Variants in PATJ observed in about 807,000 individuals in gnomAD.
PATJ encodes inaD-like protein.
PATJ carries 190 observed loss-of-function variants against 224.9 expected under a neutral mutation model. The observed-to-expected ratio is 0.84, with a 90% CI of 0.75 to 0.95. PATJ has a LOEUF of 0.95. PATJ is among the 40% of genes least tolerant of loss of function. The pLI, the probability that PATJ is intolerant of heterozygous loss-of-function variation, is 0.00. For synonymous variants in PATJ, 769 were observed against 820.3 expected (o/e 0.94, Z 1.07); for missense variants, 2,121 against 2,270.3 (o/e 0.93, Z 1.34).
chr1:61,908,219 A>G (rs1464836550), intron 24 of PATJ, among the ~76,000 whole-genome samples, 153 bp from the exon 25 acceptor site: 1 of 152,202 alleles, frequency 6.6e-6, no homozygotes, highest in Non-Finnish European at 1.5e-5. Context: ...TAAAATTGCC[A>G]AGCTTTTTAT....
chr1:61,953,394 C>G (rs1303492530), intron 27 of PATJ, among the ~76,000 whole-genome samples: 2 of 152,220 alleles, frequency 1.3e-5, no homozygotes, highest in Non-Finnish European at 2.9e-5. Context: ...CTGATTTAAG[C>G]TAGCCAACCT....
rs979739353 is a variant in PATJ, at chr1:62,131,610, T to C, written c.5271+2665T>C. On this transcript the variant is annotated intron_variant, in intron 41 of 43. Coordinates refer to ENST00000642238, the MANE Select transcript of PATJ (RefSeq NM_001350145.3). Reference sequence around the variant, plus strand: ...TTGCAATGAGCCAAGATCACCCCATTGCACCCCAGCATGGGCTACAAGAGT... The same window carrying C: ...TTGCAATGAGCCAAGATCACCCCATCGCACCCCAGCATGGGCTACAAGAGT... Among the ~76,000 whole-genome samples, 3 of 151,458 alleles carry C rather than the reference T, an allele frequency of 2.0e-5. No individual in the cohort carries two copies. The South Asian group carries it at 6.3e-4, about 32-fold the overall frequency.
Position 62,044,501 on chromosome 1 carries a change from C to T in PATJ, c.4032+6452C>T, listed in dbSNP as rs1184090486. On this transcript the variant is annotated intron_variant, in intron 30 of 43. Coordinates refer to ENST00000642238, the MANE Select transcript of PATJ (RefSeq NM_001350145.3). ...AACCCAATTAAGAAGCCATTGCTGT[C>T]GTCTAGTAAGAGGTACTGAGGGCTC... 4.6e-5 allele frequency among the ~76,000 whole-genome samples: 7 copies of T among 152,308 alleles called. No homozygotes were observed. In the East Asian group the frequency reaches 1.3e-3, roughly 29 times the overall value.
At chr1:62,017,668 G>T (rs1436058220) in intron 28 of PATJ, among the ~76,000 whole-genome samples, 188 bp from the exon 29 acceptor site, 6 of 149,204 alleles carry the variant, frequency 4.0e-5, no homozygotes, top group Admixed American at 1.4e-4. Context: ...GAAGGCGGAG[G>T]TTGCAGTGAG....
At chr1:61,785,161 C>G (rs1360587220) in intron 7 of PATJ, among the ~76,000 whole-genome samples, 1 of 152,124 alleles carries the variant, frequency 6.6e-6, no homozygotes, top group East Asian at 1.9e-4. Context: ...GTGGTGCCAC[C>G]TGGAACTAGG....
At chr1:61,830,099 AAAT>A (rs1659039245) in intron 16 of PATJ, among the ~76,000 whole-genome samples, 2 of 152,206 alleles carry the variant, frequency 1.3e-5, no homozygotes, top group South Asian at 4.1e-4. Flanking sequence ...CTAATTTAAA[AAAT>A]GTTTTTCTAC....
intron 28 of PATJ, among the ~76,000 whole-genome samples, chr1:62,000,590 C>T (rs180821575): frequency 7.9e-5 from 12 of 151,016 alleles, no homozygotes; most frequent in African/African-American, 2.5e-4. Context: ...CTTAATCCAG[C>T]CTATCATTGT....
chr1:62,159,589 C>T (rs1162326985), intron 43 of PATJ, among the ~76,000 whole-genome samples: 2 of 146,900 alleles, frequency 1.4e-5, no homozygotes, highest in Non-Finnish European at 3.0e-5. Context: ...AGACAGAGCT[C>T]ACTCTGTCAC....
chr1:62,143,719 G>T (rs1184023954), intron 41 of PATJ, among the ~76,000 whole-genome samples: 1 of 152,068 alleles, frequency 6.6e-6, no homozygotes, highest in East Asian at 1.9e-4. Context: ...CAAAGTGCTG[G>T]GATTACAGGC....
At chr1:62,002,708 TCAAAAAAAA>T (rs1645852433) in intron 28 of PATJ, among the ~76,000 whole-genome samples, 2 of 54,652 alleles carry the variant, frequency 3.7e-5, no homozygotes, top group African/African-American at 1.1e-4. Flanking sequence ...AAACTCTGTC[TCAAAAAAAA>T]AAAAAAAAAA....
chr1:61,908,509 A>C (rs1672166354), intron 25 of PATJ, 27 bp downstream of exon 25: 1 of 1,455,938 alleles, frequency 6.9e-7, no homozygotes, highest in Middle Eastern at 1.7e-4. Context: ...ATTTTCAAAA[A>C]GTTTAACAAC....
chr1:62,066,053 A>T (rs539590422), intron 31 of PATJ, among the ~76,000 whole-genome samples: 56 of 152,314 alleles, frequency 3.7e-4, no homozygotes, highest in South Asian at 1.5e-3. Context: ...GAAACTAAGC[A>T]AGTTTGTATT....
At chr1:61,857,551 T>C (rs1403135928) in intron 18 of PATJ, among the ~76,000 whole-genome samples, 1 of 152,224 alleles carries the variant, frequency 6.6e-6, no homozygotes, top group African/African-American at 2.4e-5. Flanking sequence ...ACAGATAGCT[T>C]GGTTGTAATA....
intron 42 of PATJ, among the ~76,000 whole-genome samples, chr1:62,151,732 T>G (rs1453867124): frequency 6.6e-6 from 1 of 152,252 alleles, no homozygotes; most frequent in Non-Finnish European, 1.5e-5. Flanking sequence ...TGAGTTTATA[T>G]GAGATGACTT....
At chr1:61,786,000 C>A (rs1189194955) in intron 7 of PATJ, among the ~76,000 whole-genome samples, 1 of 152,042 alleles carries the variant, frequency 6.6e-6, no homozygotes, top group East Asian at 1.9e-4. Context: ...TTCAACTCAT[C>A]TGGAATCTTG....
At chr1:61,887,154 A>T (rs994666967) in intron 22 of PATJ, among the ~76,000 whole-genome samples, 4 of 152,106 alleles carry the variant, frequency 2.6e-5, no homozygotes, top group African/African-American at 9.7e-5. Context: ...CTTGTGGAAT[A>T]TGCAGATGCC....
chr1:62,113,914 G>A, intron 34 of PATJ, 139 bp from the exon 35 acceptor site: 1 of 745,930 alleles, frequency 1.3e-6, no homozygotes, highest in Non-Finnish European at 2.2e-6. Flanking sequence ...CATACTGCTT[G>A]TGGTCACTAC....
chr1:61,978,922 C>G (rs1644295573), intron 27 of PATJ, among the ~76,000 whole-genome samples: 1 of 152,022 alleles, frequency 6.6e-6, no homozygotes, highest in Admixed American at 6.6e-5. Context: ...TACTTAGCAA[C>G]ACCTAATATC....
intron 43 of PATJ, among the ~76,000 whole-genome samples, chr1:62,160,201 A>G (rs751983780): frequency 6.6e-6 from 1 of 152,026 alleles, no homozygotes; most frequent in Non-Finnish European, 1.5e-5. Context: ...GCATTTTTAG[A>G]TATGCAGCTT....
Sources: allele counts gnomAD v4.1 joint callset (sites outside exome capture counted in the v4.1 genomes callset), GRCh38; gene constraint gnomAD v4.1.1; transcripts MANE v1.5; gene names NCBI Gene and HGNC (gene_info 2026-07-23, HGNC 2026-07-21).